Variants in VPS53 observed in about 807,000 individuals in gnomAD.
VPS53 encodes the protein VPS53 subunit of GARP complex.
Under a neutral mutation model 107.0 loss-of-function variants are expected in VPS53, and 70 were observed. The observed-to-expected ratio is 0.65, with a 90% CI of 0.54 to 0.80. VPS53 has a LOEUF of 0.80. VPS53 is among the 30% of genes least tolerant of loss of function. VPS53 has a pLI of 0.00. For synonymous variants in VPS53, 409 were observed against 393.3 expected (o/e 1.04, Z -0.47); for missense variants, 917 against 1,049.4 (o/e 0.87, Z 1.74).
At chr17:669,549 C>A (rs1020689410) in intron 4 of VPS53, among the ~76,000 whole-genome samples, 1 of 147,562 alleles carries the variant, frequency 6.8e-6, no homozygotes, top group Non-Finnish European at 1.5e-5. Context: ...GCCAAGATTG[C>A]GCCACTGCAC....
intron 7 of VPS53, among the ~76,000 whole-genome samples, chr17:638,764 A>G (rs546564616): frequency 6.6e-6 from 1 of 152,256 alleles, no homozygotes; most frequent in Non-Finnish European, 1.5e-5. Context: ...TCTGGCTTAT[A>G]GAGTTTCTGC....
intron 7 of VPS53, among the ~76,000 whole-genome samples, chr17:639,779 A>G (rs962436002): frequency 3.9e-5 from 6 of 152,208 alleles, no homozygotes; most frequent in Admixed American, 2.6e-4. Flanking sequence ...TCAGAGGGGT[A>G]CGTGGCTGTG....
intron 4 of VPS53, among the ~76,000 whole-genome samples, chr17:669,418 C>T (rs754342994): frequency 6.6e-6 from 1 of 151,818 alleles, no homozygotes; most frequent in Non-Finnish European, 1.5e-5. Flanking sequence ...GACGAAACTC[C>T]GTCTCTACTA....
intron 7 of VPS53, among the ~76,000 whole-genome samples, chr17:639,916 C>G (rs1261665157): frequency 1.3e-5 from 2 of 152,224 alleles, no homozygotes; most frequent in Non-Finnish European, 1.5e-5. Context: ...AACCACTACT[C>G]TCTTCAAAGC....
chr17:644,951 CG>C (rs1159927228), intron 7 of VPS53, among the ~76,000 whole-genome samples: 1 of 152,082 alleles, frequency 6.6e-6, no homozygotes, highest in Non-Finnish European at 1.5e-5. Flanking sequence ...ATAGAGATTG[CG>C]AAATGAACTA....
At chr17:564,531 C>T (rs1192746648) in intron 13 of VPS53, among the ~76,000 whole-genome samples, 1 of 134,492 alleles carries the variant, frequency 7.4e-6, no homozygotes, top group African/African-American at 2.9e-5. Context: ...CAAAGTGAGA[C>T]TCTGTCTCAG....
chr17:511,489 G>A lies in VPS53; in HGVS notation c.*7639C>T, dbSNP rs750401415. 2.0e-5 allele frequency: 3 copies of A among 152,118 alleles called. No homozygotes were observed. Among genetic ancestry groups the A allele is most frequent in the Non-Finnish European group, 4.4e-5 (3 of 68,028 alleles). 9.4% of individuals were successfully genotyped at this position (152,118 alleles called of 1,614,324 possible). On this transcript the variant is annotated 3_prime_UTR_variant, in exon 22 of 22. Coordinates refer to ENST00000437048, the MANE Select transcript of VPS53 (RefSeq NM_001128159.3). ...GAAGTGAGCAGCATTCCCAGGAGGCGGGACGTTGGACGCTATTTTTATTTT... is the reference window on the plus strand; with the variant it reads ...GAAGTGAGCAGCATTCCCAGGAGGCAGGACGTTGGACGCTATTTTTATTTT...
At chr17:621,460 G>C (rs1969463636) in intron 11 of VPS53, among the ~76,000 whole-genome samples, 1 of 152,020 alleles carries the variant, frequency 6.6e-6, no homozygotes, top group African/African-American at 2.4e-5. Context: ...TAAAATTGTT[G>C]CTTGACAGGA....
intron 11 of VPS53, among the ~76,000 whole-genome samples, chr17:612,643 C>A (rs867713178): frequency 7.0e-6 from 1 of 143,540 alleles, no homozygotes; most frequent in Admixed American, 7.1e-5. Context: ...GTTCACACAG[C>A]GAAAACCTGT....
rs1269035848 is a variant in VPS53, at chr17:524,241, G to T, written c.2086-2503C>A. 6.6e-6 allele frequency among the ~76,000 whole-genome samples: 1 copy of T among 152,076 alleles called. No homozygotes were observed. The highest frequency in any genetic ancestry group is 2.4e-5 in the African/African-American group (1 of 41,402). On this transcript the variant is annotated intron_variant, in intron 19 of 21. Coordinates refer to ENST00000437048, the MANE Select transcript of VPS53 (RefSeq NM_001128159.3). This position sits in a 1 kb window ranked among gnomAD's most constrained non-coding sequence, Gnocchi z 4.5. ...TTGAACCTGGGAGGTTTGCGCTACA[G>T]CCTGGGTGACAGAACAAGACACTGT...
At chr17:647,728 A>G (rs1343221075) in intron 7 of VPS53, among the ~76,000 whole-genome samples, 1 of 152,192 alleles carries the variant, frequency 6.6e-6, no homozygotes, top group Admixed American at 6.5e-5. Context: ...CAAGCTCGGC[A>G]AGATGCACAC....
intron 17 of VPS53, among the ~76,000 whole-genome samples, chr17:546,329 T>TCACACACA (rs71371545): frequency 0.035 from 4,570 of 131,914 alleles, 119 homozygotes; most frequent in African/African-American, 0.045. Context: ...CTTAGATATC[T>TCACACACA]CACACACACA....
At chr17:560,358 T>C in intron 15 of VPS53, 68 bp downstream of exon 15, 1 of 1,536,966 alleles carries the variant, frequency 6.5e-7, no homozygotes, top group African/African-American at 1.4e-5. Flanking sequence ...ATATTCTTAC[T>C]CGCCGAGCGA....
At chr17:659,082 C>G (rs1228787379) in intron 5 of VPS53, among the ~76,000 whole-genome samples, 1 of 149,624 alleles carries the variant, frequency 6.7e-6, no homozygotes, top group Non-Finnish European at 1.5e-5. Context: ...TTACCAAATA[C>G]TTAAATTTGG....
At chr17:666,202 T>C (rs1024257415) in intron 4 of VPS53, among the ~76,000 whole-genome samples, 1 of 152,146 alleles carries the variant, frequency 6.6e-6, no homozygotes, top group Non-Finnish European at 1.5e-5. Flanking sequence ...GGCACAGGGC[T>C]GACCCTTGGG....
In VPS53 at chr17:514,882, G is replaced by C. The variant is rs1027716858; in HGVS notation, c.*4246C>G. The C allele has an allele frequency of 5.9e-5, 9 of 152,238 alleles. No homozygotes were observed. Among genetic ancestry groups the C allele is most frequent in the African/African-American group, 2.2e-4 (9 of 41,438 alleles). The allele number at this position is 152,238 out of a possible 1,614,324, so 9.4% of individuals were successfully genotyped here. A position where few individuals can be genotyped will look rare whatever the true frequency, so the allele number is the denominator to read the frequency against. On this transcript the variant is annotated 3_prime_UTR_variant, in exon 22 of 22. Transcript: ENST00000437048. ...CCTGGGTACTGGCTCTTTGTTCTTC[G>C]AGAGAGGAAGGAGTGGCGGTAGTTA...
At chr17:606,576 G>A (rs540462227) in intron 11 of VPS53, among the ~76,000 whole-genome samples, 7 of 152,222 alleles carry the variant, frequency 4.6e-5, no homozygotes, top group East Asian at 1.9e-4. Context: ...GGTACAAGGC[G>A]GTTCCACTAG....
Position 564,885 on chromosome 17 carries a change from A to C in VPS53, c.1314-2140T>G, listed in dbSNP as rs535383344. On this transcript the variant is annotated intron_variant, in intron 13 of 21. Coordinates refer to ENST00000437048, the MANE Select transcript of VPS53 (RefSeq NM_001128159.3). ...GTGAGGATCCAGCAGAGCTGCAGTA[A>C]CTGCTGCCTGCACAGCTGTGCTGTG... is the stretch of plus-strand genomic sequence containing the variant. Among the ~76,000 whole-genome samples the C allele has an allele frequency of 9.8e-5, 15 of 152,306 alleles. No homozygotes were observed. In the East Asian group the frequency reaches 2.9e-3, roughly 29 times the overall value.
chr17:603,312 C>T (rs942401689), intron 11 of VPS53, among the ~76,000 whole-genome samples: 1 of 152,126 alleles, frequency 6.6e-6, no homozygotes, highest in African/African-American at 2.4e-5. Context: ...ATCCCAGCTA[C>T]TTGGGAGGCT....
Sources: allele counts gnomAD v4.1 joint callset (sites outside exome capture counted in the v4.1 genomes callset), GRCh38; gene constraint gnomAD v4.1.1; non-coding constraint Gnocchi (gnomAD v3.1); transcripts MANE v1.5; gene names NCBI Gene and HGNC (gene_info 2026-07-23, HGNC 2026-07-21).